Variants in TBC1D21 observed in about 807,000 individuals in gnomAD.
TBC1D21 encodes male germ cell Rab GTPase-activating protein.
A neutral mutation model predicts 46.0 loss-of-function variants in TBC1D21; 38 were observed. That is an observed-to-expected ratio of 0.83 (90% CI 0.64 to 1.08). The LOEUF (loss-of-function observed/expected upper bound fraction) is 1.08, where lower values mean the gene tolerates loss of function less well. TBC1D21 is among the 50% of genes least tolerant of loss of function. The probability of loss-of-function intolerance (pLI) is 0.00; values close to 1 mark genes in which losing one functional copy is unlikely to be tolerated. For missense variants in TBC1D21, 415 were observed against 417.9 expected (o/e 0.99, Z 0.06); for synonymous variants, 151 against 157.2 (o/e 0.96, Z 0.29).
chr15:73,900,433 T>C, the TBC1D21 span, among the ~76,000 whole-genome samples: 4 of 151,958 alleles, frequency 2.6e-5, no homozygotes, highest in South Asian at 8.3e-4. Flanking sequence ...AAGGGGTGAG[T>C]CATACTTGAA....
chr15:73,875,258 AAAAG>A lies in TBC1D21; in HGVS notation c.60+1492_60+1495del, dbSNP rs1402616281. Among the ~76,000 whole-genome samples, 113 of 149,264 alleles carry A rather than the reference AAAAG, an allele frequency of 7.6e-4. 1 individual carries two copies. Among genetic ancestry groups the A allele is most frequent in the African/African-American group, 2.2e-3 (88 of 40,480 alleles). On this transcript the variant is annotated intron_variant, in intron 1 of 10. Coordinates refer to ENST00000300504, the MANE Select transcript of TBC1D21 (RefSeq NM_153356.3). ...AGTGAGACTCCATCAAAAAAAAAAA[AAAAG>A]AAGAAGAAGAAGAAGAAAGAAGGAA... is the stretch of plus-strand genomic sequence containing the variant.
intron 1 of TBC1D21, among the ~76,000 whole-genome samples, chr15:73,874,353 C>A (rs942048574): frequency 3.3e-5 from 5 of 152,152 alleles, no homozygotes; most frequent in African/African-American, 9.7e-5. Context: ...TATCACCAGG[C>A]CTTGCTTTAA....
At chr15:73,901,310 C>CCT in the TBC1D21 span, among the ~76,000 whole-genome samples, 1 of 152,216 alleles carries the variant, frequency 6.6e-6, no homozygotes, top group East Asian at 1.9e-4. Context: ...GGCTCTCTTG[C>CCT]CTCAATCTGG....
chr15:73,884,055 C>T lies in TBC1D21; in HGVS notation c.273-96C>T, dbSNP rs2068199718. ...TGCATGGCTGGGTGAGGGTGCTGCC[C>T]TGGATCTGCCTGGGGCCTGGTAGCT... On this transcript the variant is annotated intron_variant, in intron 3 of 10. Transcript: ENST00000300504. 3 of 1,013,304 alleles carry T rather than the reference C, an allele frequency of 3.0e-6. No homozygotes were observed. The East Asian group carries it at 7.1e-5, about 24-fold the overall frequency. The allele number at this position is 1,013,304 out of a possible 1,614,324, so 62.8% of individuals were successfully genotyped here. A position where few individuals can be genotyped will look rare whatever the true frequency, so the allele number is the denominator to read the frequency against.
chr15:73,909,452 G>T, the TBC1D21 span, among the ~76,000 whole-genome samples: 1 of 152,196 alleles, frequency 6.6e-6, no homozygotes. Context: ...TACTGTTGTG[G>T]TGGTTGTTGC....
chr15:73,884,973 C>CCCACCA, intron 5 of TBC1D21, 30 bp from the exon 6 acceptor site: 1 of 1,589,580 alleles, frequency 6.3e-7, no homozygotes, highest in Non-Finnish European at 8.6e-7. Flanking sequence ...CCCACCCAGC[C>CCCACCA]CCTCCTCCCC....
chr15:73,889,130 C>T lies in TBC1D21; in HGVS notation c.*29C>T, dbSNP rs377767100. ...CACCAAAGCCCGCAGTGGACTGATG[C>T]CTTCGATGGGCAGGATGAAGGCCAG... is the stretch of plus-strand genomic sequence containing the variant. On this transcript the variant is annotated 3_prime_UTR_variant, in exon 11 of 11. Transcript: ENST00000300504. The T allele has an allele frequency of 1.9e-6, 3 of 1,609,602 alleles. No homozygotes were observed. Among genetic ancestry groups the T allele is most frequent in the South Asian group, 1.1e-5 (1 of 89,748 alleles).
chr15:73,887,077 C>A (rs534880716), intron 8 of TBC1D21, among the ~76,000 whole-genome samples: 10 of 152,236 alleles, frequency 6.6e-5, no homozygotes, highest in Middle Eastern at 3.4e-3. Context: ...AGCAGATGAA[C>A]CCTCTGAGGA....
downstream of TBC1D21, among the ~76,000 whole-genome samples, chr15:73,892,308 G>A (rs766407911): frequency 1.3e-5 from 2 of 152,202 alleles, no homozygotes; most frequent in Non-Finnish European, 2.9e-5. Context: ...CCACCGAATG[G>A]CAGGGTTGAA....
At chr15:73,902,028 G>T in the TBC1D21 span, among the ~76,000 whole-genome samples, 1 of 152,166 alleles carries the variant, frequency 6.6e-6, no homozygotes, top group African/African-American at 2.4e-5. Context: ...TGCCCAGGCT[G>T]GTCTCGAACT....
At chr15:73,887,998 A>C (rs2068281768) in intron 9 of TBC1D21, among the ~76,000 whole-genome samples, 1 of 152,236 alleles carries the variant, frequency 6.6e-6, no homozygotes, top group Non-Finnish European at 1.5e-5. Context: ...GAGGAAATGG[A>C]GGCCTTGAAC....
At chr15:73,886,345 G>T (rs1442699018) in intron 7 of TBC1D21, among the ~76,000 whole-genome samples, 167 bp from the exon 8 acceptor site, 1 of 152,228 alleles carries the variant, frequency 6.6e-6, no homozygotes, top group East Asian at 1.9e-4. Flanking sequence ...AGCCTGGACA[G>T]TTGAAAGTTG....
At chr15:73,906,055 G>A in the TBC1D21 span, among the ~76,000 whole-genome samples, 3 of 152,186 alleles carry the variant, frequency 2.0e-5, no homozygotes, top group Non-Finnish European at 4.4e-5. Context: ...GGGTGGATGG[G>A]ATGGGCATGT....
chr15:73,907,413 G>T, the TBC1D21 span, among the ~76,000 whole-genome samples: 1 of 152,214 alleles, frequency 6.6e-6, no homozygotes, highest in East Asian at 1.9e-4. Context: ...TGTGAAACGG[G>T]CATAGACTTT....
the TBC1D21 span, among the ~76,000 whole-genome samples, chr15:73,906,091 G>A: frequency 6.6e-6 from 1 of 152,286 alleles, no homozygotes; most frequent in Admixed American, 6.5e-5. Context: ...TTCATGTCCC[G>A]TTTTTCTAAG....
At chr15:73,876,321 G>A (rs2141547960) in intron 1 of TBC1D21, among the ~76,000 whole-genome samples, 1 of 143,126 alleles carries the variant, frequency 7.0e-6, no homozygotes, top group Admixed American at 7.3e-5. Flanking sequence ...TCCGCCTCCT[G>A]GGTTCACGTC....
At chr15:73,905,518 G>A in the TBC1D21 span, among the ~76,000 whole-genome samples, 165 of 152,278 alleles carry the variant, frequency 1.1e-3, 2 homozygotes, top group African/African-American at 3.9e-3. Context: ...GTGGTGTGCT[G>A]AAGTCAGCTT....
chr15:73,898,863 CAAAA>C, the TBC1D21 span, among the ~76,000 whole-genome samples: 289 of 24,102 alleles, frequency 0.012, 10 homozygotes, highest in African/African-American at 0.029. Context: ...GACTCCATCT[CAAAA>C]AAAAAAAAAA....
At chr15:73,899,458 A>G in the TBC1D21 span, among the ~76,000 whole-genome samples, 2 of 152,078 alleles carry the variant, frequency 1.3e-5, no homozygotes, top group African/African-American at 4.8e-5. Flanking sequence ...CCATGCTCCC[A>G]CTTGATGCCA....
Sources: allele counts gnomAD v4.1 joint callset (sites outside exome capture counted in the v4.1 genomes callset), GRCh38; gene constraint gnomAD v4.1.1; transcripts MANE v1.5; gene names NCBI Gene and HGNC (gene_info 2026-07-23, HGNC 2026-07-21).